The following GALNT17 variants were observed in gnomAD, a reference collection of about 807,000 sequenced individuals.
GALNT17 encodes the protein polypeptide N-acetylgalactosaminyltransferase 17, also known as UDP-GalNAc:polypeptide N-acetylgalactosaminyltransferase-like 3.
A neutral mutation model predicts 63.7 loss-of-function variants in GALNT17; 29 were observed. That is an observed-to-expected ratio of 0.46 (90% CI 0.34 to 0.62). The LOEUF is 0.62. Among genes scored for constraint, GALNT17 ranks in the 20% least tolerant of loss-of-function variants. The probability of loss-of-function intolerance (pLI) is 0.01; values close to 1 mark genes in which losing one functional copy is unlikely to be tolerated. For synonymous variants in GALNT17, 305 were observed against 318.3 expected (o/e 0.96, Z 0.45); for missense variants, 603 against 799.6 (o/e 0.75, Z 2.97).
chr7:71,550,595 A>G (rs2116828769), intron 5 of GALNT17, among the ~76,000 whole-genome samples: 1 of 152,196 alleles, frequency 6.6e-6, no homozygotes, highest in East Asian at 1.9e-4. Context: ...TGGCCAGGCT[A>G]GTCTTGAACA....
intron 2 of GALNT17, among the ~76,000 whole-genome samples, chr7:71,362,711 A>G (rs1277745943): frequency 6.6e-6 from 1 of 152,122 alleles, no homozygotes; most frequent in Non-Finnish European, 1.5e-5. Context: ...CAAGAAAACA[A>G]ATCCATTTGT....
At chr7:71,591,187 G>A (rs1584074349) in intron 6 of GALNT17, among the ~76,000 whole-genome samples, 1 of 151,906 alleles carries the variant, frequency 6.6e-6, no homozygotes, top group East Asian at 1.9e-4. Flanking sequence ...CTTCTGAGTA[G>A]CTGGGATTAC....
chr7:71,278,672 G>A lies in GALNT17; in HGVS notation c.239-56878G>A, dbSNP rs114847968. 5.9e-3 allele frequency among the ~76,000 whole-genome samples: 896 copies of A among 152,214 alleles called. 9 individuals are homozygous for A. Among genetic ancestry groups the A allele is most frequent in the African/African-American group, 0.019 (806 of 41,518 alleles). On this transcript the variant is annotated intron_variant, in intron 1 of 10. Transcript: ENST00000333538. ...GGGAAGCAAACACATCCTTCTTCACGTGGTGGCAGGAAGGAGAAGTGCTGA... is the reference window on the plus strand; with the variant it reads ...GGGAAGCAAACACATCCTTCTTCACATGGTGGCAGGAAGGAGAAGTGCTGA...
At chr7:71,652,550 T>G (rs1031131395) in intron 6 of GALNT17, among the ~76,000 whole-genome samples, 3 of 152,152 alleles carry the variant, frequency 2.0e-5, no homozygotes, top group African/African-American at 7.2e-5. Flanking sequence ...CGCAAATGAT[T>G]GGTAGGATGC....
At chr7:71,573,197 A>G (rs1167108648) in intron 6 of GALNT17, among the ~76,000 whole-genome samples, 7 of 151,594 alleles carry the variant, frequency 4.6e-5, no homozygotes, top group Non-Finnish European at 1.0e-4. Context: ...TTTAGTAGAG[A>G]TGGGATTTCA....
intron 1 of GALNT17, among the ~76,000 whole-genome samples, chr7:71,166,149 A>G (rs1788437086): frequency 1.3e-5 from 2 of 152,184 alleles, no homozygotes; most frequent in Admixed American, 1.3e-4. Flanking sequence ...TTGCAAATGG[A>G]CGTTGGCGCT....
intron 3 of GALNT17, among the ~76,000 whole-genome samples, chr7:71,407,110 G>T (rs1793341868): frequency 6.6e-6 from 1 of 152,186 alleles, no homozygotes; most frequent in Admixed American, 6.5e-5. Context: ...GCCGGCATCT[G>T]GGAGGGCCCA....
intron 1 of GALNT17, among the ~76,000 whole-genome samples, chr7:71,250,210 G>A (rs563406696): frequency 6.6e-6 from 1 of 152,150 alleles, no homozygotes; most frequent in Admixed American, 6.5e-5. Flanking sequence ...AATTAAGTAC[G>A]TTTATTTTTT....
intron 1 of GALNT17, among the ~76,000 whole-genome samples, chr7:71,232,572 T>C (rs753500094): frequency 2.0e-5 from 3 of 152,120 alleles, no homozygotes; most frequent in Non-Finnish European, 4.4e-5. Flanking sequence ...GGGAAGGTTT[T>C]TGGCTTTGCT....
At chr7:71,703,888 AAATGGAAAGT>A (rs144010949) in intron 9 of GALNT17, among the ~76,000 whole-genome samples, 2,949 of 152,304 alleles carry the variant, frequency 0.019, 104 homozygotes, top group African/African-American at 0.067. Flanking sequence ...CTTTTCAACA[AAATGGAAAGT>A]AATATTCTCT....
chr7:71,238,902 G>A lies in GALNT17; in HGVS notation c.239-96648G>A, dbSNP rs140827948. On this transcript the variant is annotated intron_variant, in intron 1 of 10. Transcript: ENST00000333538. ...CTATCTTAGGGTGTGCCCTCTCTCC[G>A]TCTCTCATGTCACTCACCTGGGAGA... Among the ~76,000 whole-genome samples the A allele has an allele frequency of 1.4e-3, 215 of 152,212 alleles. 2 individuals are homozygous for A. In the East Asian group the frequency reaches 0.036, roughly 26 times the overall value.
At chr7:71,471,399 C>CAA (rs35529889) in intron 5 of GALNT17, among the ~76,000 whole-genome samples, 1,931 of 89,458 alleles carry the variant, frequency 0.022, 44 homozygotes, top group African/African-American at 0.069. Context: ...TTTTTTTTTC[C>CAA]AAAAAAAAAA....
At chr7:71,629,796 C>CT (rs1562716082) in intron 6 of GALNT17, among the ~76,000 whole-genome samples, 5 of 152,214 alleles carry the variant, frequency 3.3e-5, no homozygotes, top group Admixed American at 2.6e-4. Context: ...TATTTTTAAA[C>CT]TTTTTTATAG....
chr7:71,176,911 T>TTAA (rs928352836), intron 1 of GALNT17, among the ~76,000 whole-genome samples: 5 of 152,184 alleles, frequency 3.3e-5, no homozygotes, highest in African/African-American at 1.2e-4. Flanking sequence ...TGAATGTGCA[T>TTAA]TAAATGCCAT....
At chr7:71,263,923 C>T (rs554052494) in intron 1 of GALNT17, among the ~76,000 whole-genome samples, 1 of 151,808 alleles carries the variant, frequency 6.6e-6, no homozygotes, top group South Asian at 2.1e-4. Flanking sequence ...CATTCCGTCC[C>T]AAAAAAACAA....
chr7:71,565,659 T>C (rs10270843), intron 5 of GALNT17, among the ~76,000 whole-genome samples: 77,365 of 151,744 alleles, frequency 0.51, 20,413 homozygotes, highest in African/African-American at 0.63. Flanking sequence ...GGAAATACCA[T>C]GAGAAATGAC....
chr7:71,199,907 G>T (rs1789135646), intron 1 of GALNT17, among the ~76,000 whole-genome samples: 1 of 152,148 alleles, frequency 6.6e-6, no homozygotes, highest in African/African-American at 2.4e-5. Context: ...TACTGTAATA[G>T]AACCTCCTCT....
intron 1 of GALNT17, among the ~76,000 whole-genome samples, chr7:71,185,978 A>G (rs940132065): frequency 3.3e-5 from 5 of 152,228 alleles, no homozygotes; most frequent in Admixed American, 1.3e-4. Context: ...GTCACAGTAA[A>G]GACCTCCCAG....
chr7:71,632,681 C>T (rs1790469303), intron 6 of GALNT17, among the ~76,000 whole-genome samples: 1 of 152,132 alleles, frequency 6.6e-6, no homozygotes, highest in Non-Finnish European at 1.5e-5. Context: ...GTGGAAACTC[C>T]TTCTCTCAGG....
Sources: gnomAD v4.1 joint callset for allele counts (sites outside exome capture counted in the v4.1 genomes callset) on GRCh38, gnomAD v4.1.1 for gene constraint, MANE v1.5 for transcripts, NCBI Gene and HGNC (gene_info 2026-07-23, HGNC 2026-07-21) for gene names.